Variants in SLC14A2 observed in about 807,000 individuals in gnomAD.
SLC14A2 encodes the protein solute carrier family 14 member 2, also known as urea transporter 2.
A neutral mutation model predicts 104.6 loss-of-function variants in SLC14A2; 91 were observed. That is an observed-to-expected ratio of 0.87 (90% CI 0.73 to 1.04). The LOEUF is 1.04. Among genes scored for constraint, SLC14A2 ranks in the 50% least tolerant of loss-of-function variants. The pLI, the probability that SLC14A2 is intolerant of heterozygous loss-of-function variation, is 0.00. For synonymous variants in SLC14A2, 476 were observed against 466.4 expected (o/e 1.02, Z -0.27); for missense variants, 1,189 against 1,156.0 (o/e 1.03, Z -0.41).
chr18:45,217,865 T>C (rs1167845421), intron 1 of SLC14A2, among the ~76,000 whole-genome samples: 1 of 152,182 alleles, frequency 6.6e-6, no homozygotes, highest in Non-Finnish European at 1.5e-5. Context: ...ACCTCCTATA[T>C]CACAGAAGAA....
chr18:45,250,242 C>G (rs913782564), intron 1 of SLC14A2, among the ~76,000 whole-genome samples: 6 of 152,196 alleles, frequency 3.9e-5, no homozygotes, highest in African/African-American at 1.4e-4. Flanking sequence ...TTTCTGCTCA[C>G]AGCATTAGGT....
At chr18:45,196,994 A>G in the SLC14A2 span, among the ~76,000 whole-genome samples, 1 of 152,220 alleles carries the variant, frequency 6.6e-6, no homozygotes, top group Non-Finnish European at 1.5e-5. Context: ...GACTTGGACT[A>G]ATGTTGGGAT....
At chr18:45,443,139 T>C (rs2086707230) in intron 1 of SLC14A2, among the ~76,000 whole-genome samples, 1 of 152,184 alleles carries the variant, frequency 6.6e-6, no homozygotes, top group Admixed American at 6.5e-5. Context: ...GCAGTGTAGG[T>C]TCACTGAAGG....
intron 1 of SLC14A2, among the ~76,000 whole-genome samples, chr18:45,242,808 G>A (rs547246615): frequency 6.6e-6 from 1 of 152,188 alleles, no homozygotes; most frequent in African/African-American, 2.4e-5. Flanking sequence ...CAAGTCACCT[G>A]TATATTTAGT....
At chr18:45,475,662 T>TATATATATATTTAGG (rs1568228047) in intron 1 of SLC14A2, among the ~76,000 whole-genome samples, 163 of 115,072 alleles carry the variant, frequency 1.4e-3, no homozygotes, top group Non-Finnish European at 2.2e-3. Context: ...TATATATATA[T>TATATATATATTTAGG]ATATATATAT....
chr18:45,425,166 G>A (rs1238667517), intron 1 of SLC14A2, among the ~76,000 whole-genome samples: 2 of 152,162 alleles, frequency 1.3e-5, no homozygotes, highest in African/African-American at 2.4e-5. Flanking sequence ...TTCTAAATAT[G>A]CCATGGACAA....
intron 1 of SLC14A2, among the ~76,000 whole-genome samples, chr18:45,386,080 C>T (rs1598742804): frequency 6.6e-6 from 1 of 152,056 alleles, no homozygotes; most frequent in Non-Finnish European, 1.5e-5. Flanking sequence ...CTATGTTTGA[C>T]GAACAAGGAT....
intron 2 of SLC14A2, among the ~76,000 whole-genome samples, chr18:45,535,019 G>A (rs923905024): frequency 4.6e-5 from 7 of 152,214 alleles, no homozygotes; most frequent in African/African-American, 1.7e-4. Context: ...CCTAAGGTCT[G>A]GTGGATGTCT....
rs1599674038 is a variant in SLC14A2, at chr18:45,322,812, A to G, written c.-125+109621A>G. On this transcript the variant is annotated intron_variant, in intron 1 of 20. Transcript: ENST00000586448. ...CTAGATATGTGACTCCCAGCCCAGC[A>G]CTTTTTTTTCACTTTATCAGAGACA... Among the ~76,000 whole-genome samples the G allele has an allele frequency of 2.0e-5, 3 of 152,220 alleles. No individual in the cohort carries two copies. In the South Asian group the frequency reaches 6.2e-4, roughly 32 times the overall value.
chr18:45,622,801 T>C (rs1002394088), intron 1 of SLC14A2, among the ~76,000 whole-genome samples: 1 of 152,022 alleles, frequency 6.6e-6, no homozygotes, highest in Non-Finnish European at 1.5e-5. Flanking sequence ...ATGGAGGCCT[T>C]AGAGACCACA....
intron 2 of SLC14A2, among the ~76,000 whole-genome samples, chr18:45,533,341 G>A (rs1849655482): frequency 1.3e-5 from 2 of 152,094 alleles, no homozygotes; most frequent in Non-Finnish European, 2.9e-5. Flanking sequence ...ACTTTTTTTG[G>A]TTGGTAAGCT....
chr18:45,232,151 A>G (rs985715797), intron 1 of SLC14A2, among the ~76,000 whole-genome samples: 9 of 152,316 alleles, frequency 5.9e-5, no homozygotes, highest in African/African-American at 1.9e-4. Context: ...AGACTGGGCC[A>G]TTTATGAGAA....
At position 45,293,107 on chromosome 18, in the gene SLC14A2, A is replaced by G. The variant is rs528723415; in HGVS notation, c.-125+79916A>G. Among the ~76,000 whole-genome samples the G allele has an allele frequency of 3.3e-5, 5 of 152,300 alleles. No homozygotes were observed. The East Asian group carries it at 9.6e-4, about 29-fold the overall frequency. ...TGAATCAAGCTCTAAAGATCCTTCCAAAAGGAGAACTCTAAACATATTTAA... is the reference window on the plus strand; with the variant it reads ...TGAATCAAGCTCTAAAGATCCTTCCGAAAGGAGAACTCTAAACATATTTAA... On this transcript the variant is annotated intron_variant, in intron 1 of 20. Coordinates refer to the SLC14A2 transcript ENST00000586448.
At chr18:45,547,901 G>C (rs1345494) in intron 2 of SLC14A2, among the ~76,000 whole-genome samples, 25,496 of 152,204 alleles carry the variant, frequency 0.17, 2,400 homozygotes, top group Non-Finnish European at 0.21. Flanking sequence ...AAGAGCAAAA[G>C]GGTTGGCCTG....
At chr18:45,636,283 G>T (rs371511260) in intron 5 of SLC14A2, among the ~76,000 whole-genome samples, 1 of 152,244 alleles carries the variant, frequency 6.6e-6, no homozygotes, top group South Asian at 2.1e-4. Context: ...GGTATTTGGT[G>T]TCTAGGGTGG....
At chr18:45,672,015 T>G (rs537543979) in intron 16 of SLC14A2, among the ~76,000 whole-genome samples, 1 of 152,216 alleles carries the variant, frequency 6.6e-6, no homozygotes, top group African/African-American at 2.4e-5. Flanking sequence ...GCCCCAGAGA[T>G]AGATGGAGCA....
chr18:45,610,216 A>ATGGGGG (rs1263459238), intron 2 of SLC14A2, among the ~76,000 whole-genome samples: 2 of 142,318 alleles, frequency 1.4e-5, no homozygotes, highest in African/African-American at 5.2e-5. Context: ...AGATTCTGTT[A>ATGGGGG]TGGGGGTGGG....
intron 1 of SLC14A2, among the ~76,000 whole-genome samples, chr18:45,275,540 C>T (rs1025100751): frequency 2.6e-5 from 4 of 152,152 alleles, no homozygotes; most frequent in Admixed American, 1.3e-4. Context: ...AGGAAGATAG[C>T]GGTTTCCTCT....
At chr18:45,168,106 A>T in the SLC14A2 span, among the ~76,000 whole-genome samples, 2 of 152,214 alleles carry the variant, frequency 1.3e-5, no homozygotes, top group Non-Finnish European at 2.9e-5. Flanking sequence ...CTACAACTTC[A>T]TATTCAATAT....
Sources: allele counts gnomAD v4.1 joint callset (sites outside exome capture counted in the v4.1 genomes callset), GRCh38; gene constraint gnomAD v4.1.1; transcripts MANE v1.5; gene names NCBI Gene and HGNC (gene_info 2026-07-23, HGNC 2026-07-21).